Variants in FAM83A observed in about 807,000 individuals in gnomAD.
FAM83A encodes protein FAM83A.
In FAM83A, 21 loss-of-function variants were observed where a neutral mutation model predicts 24.4. That is an observed-to-expected ratio of 0.86 (90% CI 0.61 to 1.24). The LOEUF (loss-of-function observed/expected upper bound fraction) is 1.24. Ranked by LOEUF, FAM83A falls within the 50% of genes most tolerant of loss-of-function variation. The probability of loss-of-function intolerance (pLI) is 0.00; values close to 1 mark genes in which losing one functional copy is unlikely to be tolerated. For synonymous variants in FAM83A, 270 were observed against 252.4 expected, an observed-to-expected ratio of 1.07 and a Z score of -0.66; for missense variants, 617 against 579.8, an observed-to-expected ratio of 1.06 and a Z score of -0.66.
At chr8:123,207,978 A>G in exon 4 of FAM83A, 3 of 1,203,046 alleles carry the variant, frequency 2.5e-6, no homozygotes, top group Non-Finnish European at 3.1e-6. Context: ...TCTTCCAGAG[A>G]TCATCCGGGG....
Position 123,188,043 on chromosome 8 carries a change from AT to A in FAM83A, c.481-3749del, listed in dbSNP as rs544198021. On this transcript the variant is annotated intron_variant, in intron 1 of 3. Coordinates refer to ENST00000690554, the Ensembl canonical transcript of FAM83A. ...CCCAGCTAACTTTTGTATTATTATT[AT>A]TTTTTTTTTTAGTAGAGATGGGGTT... Among the ~76,000 whole-genome samples, 814 of 145,440 alleles carry A rather than the reference AT, an allele frequency of 5.6e-3. 5 individuals are homozygous for A. The highest frequency in any genetic ancestry group is 0.018 in the African/African-American group (715 of 39,542).
At position 123,191,826 on chromosome 8, in the gene FAM83A, G is replaced by T. The variant is rs535133469; in HGVS notation, c.504G>T (p.Val168=). 3.7e-6 allele frequency: 6 copies of T among 1,614,050 alleles called. No individual in the cohort carries two copies. In the East Asian group the frequency reaches 1.3e-4, roughly 36 times the overall value. The change falls in exon 2 of 4, where the codon GTG becomes GTT. Residue 168 remains valine, a synonymous_variant. Coordinates refer to ENST00000690554, the Ensembl canonical transcript of FAM83A. ...AGGTCCTGGTCATCCTGATGGATGT[G>T]TTCACGGATGTGGAGATCTTCTGTG...
intron 1 of FAM83A, among the ~76,000 whole-genome samples, chr8:123,186,906 A>G (rs1459096972): frequency 6.6e-6 from 1 of 152,150 alleles, no homozygotes; most frequent in African/African-American, 2.4e-5. Flanking sequence ...ACCAAGAGGG[A>G]TCCTTCCCTC....
In FAM83A at chr8:123,183,476, C is replaced by T. The variant is rs577661100; in HGVS notation, c.480+140C>T. ...CTTCGGATGGAGGGGCTTTGCTGTC[C>T]GCCTTGCCCTGGACCACTGACCTCC... On this transcript the variant is annotated intron_variant, in intron 1 of 3. Coordinates refer to ENST00000690554, the Ensembl canonical transcript of FAM83A. 18 of 1,328,628 alleles carry T rather than the reference C, an allele frequency of 1.4e-5. 1 individual carries two copies. Among genetic ancestry groups the T allele is most frequent in the Middle Eastern group, 5.2e-4 (2 of 3,850 alleles). The allele number at this position is 1,328,628 out of a possible 1,614,324, so 82.3% of individuals were successfully genotyped here.
upstream of FAM83A, chr8:123,182,091 T>G: frequency 2.2e-6 from 1 of 456,294 alleles, no homozygotes; most frequent in South Asian, 1.5e-5. Context: ...CTCCAGACAG[T>G]GTTCCAAGAA....
upstream of FAM83A, chr8:123,181,942 C>A: frequency 2.3e-6 from 1 of 434,700 alleles, no homozygotes. Flanking sequence ...ATTGCCAGAT[C>A]ACGATCTGAT....
rs947578234 is a variant in FAM83A at position 123,185,557 on chromosome 8, C to T, written c.480+2221C>T. ...AACACTTAAAAATCTGAAGATTTCA[C>T]CTGAAAGTTAGAACTTCCAGCTCCT... On this transcript the variant is annotated intron_variant, in intron 1 of 3. Coordinates refer to ENST00000690554, the Ensembl canonical transcript of FAM83A. Among the ~76,000 whole-genome samples the T allele has an allele frequency of 2.0e-5, 3 of 152,308 alleles. No homozygotes were observed. In the East Asian group the frequency reaches 5.8e-4, roughly 29 times the overall value.
chr8:123,204,578 T>C (rs1824476851), intron 3 of FAM83A, among the ~76,000 whole-genome samples: 1 of 151,022 alleles, frequency 6.6e-6, no homozygotes, highest in Admixed American at 6.6e-5. Flanking sequence ...CTGGCTAACA[T>C]GGTGAAACCC....
At chr8:123,203,792 A>AAAAACAT (rs1376267516) in intron 3 of FAM83A, among the ~76,000 whole-genome samples, 1 of 151,490 alleles carries the variant, frequency 6.6e-6, no homozygotes, top group African/African-American at 2.4e-5. Flanking sequence ...AAGAGGCAAC[A>AAAAACAT]TATGGTTAAA....
At chr8:123,191,832 G>A (rs769790828) in exon 2 of FAM83A, 29 of 1,613,992 alleles carry the variant, frequency 1.8e-5, no homozygotes, top group South Asian at 4.4e-5. Context: ...ATGTGTTCAC[G>A]GATGTGGAGA....
At chr8:123,181,653 A>C (rs1056634348), upstream of FAM83A, 6 of 174,638 alleles carry the variant, frequency 3.4e-5, no homozygotes, top group Admixed American at 3.3e-4. Context: ...TGGGCAGGAA[A>C]ACCTTGAGAT....
chr8:123,192,032 A>G (rs1262011520), intron 2 of FAM83A, 62 bp downstream of exon 2: 10 of 1,536,714 alleles, frequency 6.5e-6, no homozygotes, highest in Non-Finnish European at 8.9e-6. Context: ...TAGTCTATGC[A>G]ATAGTAACAA....
chr8:123,209,207 T>C lies in FAM83A; in HGVS notation c.*1519T>C. 8.5e-7 allele frequency: 1 copy of C among 1,173,388 alleles called. No homozygotes were observed. Among genetic ancestry groups the C allele is most frequent in the Non-Finnish European group, 1.0e-6 (1 of 954,088 alleles). 72.7% of individuals were successfully genotyped at this position (1,173,388 alleles called of 1,614,324 possible). A position where few individuals can be genotyped will look rare whatever the true frequency, so the allele number is the denominator to read the frequency against. On this transcript the variant is annotated 3_prime_UTR_variant, in exon 4 of 4. Coordinates refer to ENST00000690554, the Ensembl canonical transcript of FAM83A. The surrounding 1 kb of genome is among the most constrained non-coding windows in gnomAD (Gnocchi z 4.7). The stretch of plus-strand genomic sequence containing the variant: ...GGTTTTTGGCGGGGAAGCTCAGCCT[T>C]CGCTGTGGAGGGACGAGAGCACAGA...
At chr8:123,196,574 A>C (rs1398493343) in intron 3 of FAM83A, among the ~76,000 whole-genome samples, 1 of 152,152 alleles carries the variant, frequency 6.6e-6, no homozygotes, top group East Asian at 1.9e-4. Context: ...GGACTCCTTC[A>C]GTTTTTAAAA....
intron 3 of FAM83A, among the ~76,000 whole-genome samples, chr8:123,203,957 C>CA (rs1340124620): frequency 0.023 from 1,156 of 50,348 alleles, 9 homozygotes; most frequent in East Asian, 0.029. Context: ...AACTCCAACT[C>CA]AAAAAAAAAA....
exon 2 of FAM83A, chr8:123,191,817 G>C: frequency 6.2e-7 from 1 of 1,613,930 alleles, no homozygotes; most frequent in Non-Finnish European, 8.5e-7. Flanking sequence ...TGGTCATCCT[G>C]ATGGATGTGT....
chr8:123,187,824 C>T (rs1252398075), intron 1 of FAM83A, among the ~76,000 whole-genome samples: 3 of 151,924 alleles, frequency 2.0e-5, no homozygotes, highest in Non-Finnish European at 4.4e-5. Context: ...AAACTAGGGG[C>T]TGGAATTATT....
chr8:123,182,753 G>T (rs186987067), exon 1 of FAM83A: 2 of 1,481,960 alleles, frequency 1.3e-6, no homozygotes, highest in African/African-American at 2.8e-5. Context: ...GCGGCCTCCC[G>T]GGGGTGCGGG....
At chr8:123,186,707 G>A (rs10091453) in intron 1 of FAM83A, among the ~76,000 whole-genome samples, 1 of 152,152 alleles carries the variant, frequency 6.6e-6, no homozygotes, top group African/African-American at 2.4e-5. Flanking sequence ...GCAGATGTCT[G>A]TAATCCCAGC....
Sources: gnomAD v4.1 joint callset for allele counts (sites outside exome capture counted in the v4.1 genomes callset) on GRCh38, gnomAD v4.1.1 for gene constraint, Gnocchi (gnomAD v3.1) non-coding constraint, MANE v1.5 for transcripts, NCBI Gene and HGNC (gene_info 2026-07-23, HGNC 2026-07-21) for gene names.